DPF3: variants seen among roughly 807,000 people sequenced by gnomAD.
The protein encoded by DPF3 is zinc finger protein DPF3.
Under a neutral mutation model 56.8 loss-of-function variants are expected in DPF3, and 18 were observed. That is an observed-to-expected ratio of 0.32 (90% CI 0.22 to 0.47). The LOEUF (loss-of-function observed/expected upper bound fraction) is 0.47. Ranked by LOEUF, DPF3 falls within the 20% of genes least tolerant of loss-of-function variation. DPF3 has a pLI of 1.00. For synonymous variants in DPF3, 188 were observed against 180.2 expected (o/e 1.04, Z -0.35); for missense variants, 403 against 488.8 (o/e 0.82, Z 1.65).
At chr14:72,621,225 C>T (rs1040599728) in intron 9 of DPF3, among the ~76,000 whole-genome samples, 1 of 152,100 alleles carries the variant, frequency 6.6e-6, no homozygotes, top group African/African-American at 2.4e-5. Context: ...CCCTTTATCC[C>T]CTTTATGGAC....
chr14:72,773,523 A>G (rs568020628), intron 1 of DPF3, among the ~76,000 whole-genome samples: 135 of 152,312 alleles, frequency 8.9e-4, no homozygotes, highest in Admixed American at 1.2e-3. Flanking sequence ...GGCATTAAGC[A>G]CATGCATACT....
chr14:72,765,014 G>A (rs546109503), intron 2 of DPF3, among the ~76,000 whole-genome samples: 15 of 152,314 alleles, frequency 9.8e-5, no homozygotes, highest in African/African-American at 2.4e-4. Flanking sequence ...GTTGGTGTCC[G>A]CAGGGAATTG....
At chr14:72,820,185 A>C (rs964576332) in intron 1 of DPF3, among the ~76,000 whole-genome samples, 1 of 152,214 alleles carries the variant, frequency 6.6e-6, no homozygotes, top group African/African-American at 2.4e-5. Context: ...GAACTTTTTA[A>C]AAGTCAAGAT....
In DPF3 at chr14:72,624,223, A is replaced by C. The variant is rs144244680; in HGVS notation, c.985-4239T>G. ...ACTCACTGTGCCCTAATATTAACATATTATATTACTATAGCAGAATTACGA... is the reference window on the plus strand; with the variant it reads ...ACTCACTGTGCCCTAATATTAACATCTTATATTACTATAGCAGAATTACGA... On this transcript the variant is annotated intron_variant, in intron 9 of 10. Coordinates refer to ENST00000556509, the MANE Select transcript of DPF3 (RefSeq NM_001280542.3). 6.8e-3 allele frequency among the ~76,000 whole-genome samples: 1,036 copies of C among 152,176 alleles called. 13 individuals are homozygous for C. The highest frequency in any genetic ancestry group is 0.024 in the African/African-American group (985 of 41,530).
intron 7 of DPF3, among the ~76,000 whole-genome samples, chr14:72,679,611 C>T (rs1887069628): frequency 6.6e-6 from 1 of 152,244 alleles, no homozygotes; most frequent in Non-Finnish European, 1.5e-5. Flanking sequence ...CCCCCGCCAC[C>T]CTCCACAGGC....
At chr14:72,654,512 C>T (rs936375263) in intron 8 of DPF3, among the ~76,000 whole-genome samples, 2 of 152,150 alleles carry the variant, frequency 1.3e-5, no homozygotes, top group African/African-American at 2.4e-5. Flanking sequence ...AGGTGCCTTA[C>T]ACAGTGGAGA....
intron 8 of DPF3, among the ~76,000 whole-genome samples, chr14:72,646,712 T>A (rs996005245): frequency 1.3e-5 from 2 of 152,240 alleles, no homozygotes; most frequent in African/African-American, 4.8e-5. Context: ...TGCGGAATTT[T>A]TCCTTTGGAG....
chr14:72,710,631 G>T (rs1888611880), intron 6 of DPF3, among the ~76,000 whole-genome samples: 1 of 152,242 alleles, frequency 6.6e-6, no homozygotes, highest in Non-Finnish European at 1.5e-5. Flanking sequence ...CTGATGTGGA[G>T]CCCAGGAGTC....
At chr14:72,722,388 C>G (rs1024077709) in intron 5 of DPF3, among the ~76,000 whole-genome samples, 2 of 152,188 alleles carry the variant, frequency 1.3e-5, no homozygotes, top group Non-Finnish European at 2.9e-5. Context: ...GTGTGTGCCG[C>G]GCTGGCCGAT....
At chr14:72,794,108 G>C (rs569693496) in intron 1 of DPF3, among the ~76,000 whole-genome samples, 43 of 152,356 alleles carry the variant, frequency 2.8e-4, no homozygotes, top group Non-Finnish European at 4.7e-4. Flanking sequence ...CCAGCTCCTT[G>C]CTTACTTGCT....
intron 9 of DPF3, among the ~76,000 whole-genome samples, chr14:72,628,631 G>A (rs1292609877): frequency 6.6e-6 from 1 of 151,820 alleles, no homozygotes; most frequent in African/African-American, 2.4e-5. Context: ...AAGTAGTCTT[G>A]CCAAAAGAGA....
chr14:72,791,558 C>T (rs552952350), intron 1 of DPF3, among the ~76,000 whole-genome samples: 3 of 152,310 alleles, frequency 2.0e-5, no homozygotes, highest in South Asian at 2.1e-4. Context: ...CCCCTATGCT[C>T]GGAGCTTCCC....
intron 8 of DPF3, among the ~76,000 whole-genome samples, chr14:72,667,927 G>A (rs1886507692): frequency 6.6e-6 from 1 of 152,148 alleles, no homozygotes; most frequent in African/African-American, 2.4e-5. Context: ...CAATCAGGTT[G>A]CCAGGGATCA....
At chr14:72,789,546 G>A (rs117502248) in intron 1 of DPF3, among the ~76,000 whole-genome samples, 21 of 152,126 alleles carry the variant, frequency 1.4e-4, no homozygotes, top group Non-Finnish European at 2.2e-4. Flanking sequence ...ACATGGTCTC[G>A]CTCTGTCACT....
Position 72,609,778 on chromosome 14 carries a change from C to A in DPF3, c.*9519G>T, listed in dbSNP as rs1200234472. ...TGCTTTTTAGAGAAGCCAGGGTGGGCCAAATGGAGATATTGTCTCAAGACC... is the reference window on the plus strand; with the variant it reads ...TGCTTTTTAGAGAAGCCAGGGTGGGACAAATGGAGATATTGTCTCAAGACC... On this transcript the variant is annotated 3_prime_UTR_variant, in exon 11 of 11. Coordinates refer to ENST00000556509, the MANE Select transcript of DPF3 (RefSeq NM_001280542.3). Among the ~76,000 whole-genome samples, 2 of 152,110 alleles carry A rather than the reference C, an allele frequency of 1.3e-5. No individual in the cohort carries two copies. The highest frequency in any genetic ancestry group is 2.9e-5 in the Non-Finnish European group (2 of 68,022).
chr14:72,788,232 C>A (rs990843852), intron 1 of DPF3, among the ~76,000 whole-genome samples: 7 of 152,176 alleles, frequency 4.6e-5, no homozygotes, highest in African/African-American at 1.7e-4. Flanking sequence ...TCTCGACCAC[C>A]AATCCTACTG....
At chr14:72,861,026 TACACACACAC>T (rs10570653) in intron 1 of DPF3, among the ~76,000 whole-genome samples, 6,033 of 147,928 alleles carry the variant, frequency 0.041, 323 homozygotes, top group African/African-American at 0.12. Flanking sequence ...GTTCTCACTA[TACACACACAC>T]ACACACACAC....
intron 8 of DPF3, chr14:72,670,431 C>G: frequency 2.0e-6 from 2 of 985,918 alleles, no homozygotes; most frequent in Non-Finnish European, 2.4e-6. Context: ...ATAGGCACCC[C>G]GACTTCTCTG....
chr14:72,779,190 T>C (rs1208740955), intron 1 of DPF3, among the ~76,000 whole-genome samples: 1 of 152,168 alleles, frequency 6.6e-6, no homozygotes, highest in Non-Finnish European at 1.5e-5. Context: ...GGAAGGCTAA[T>C]GTGGCATGCT....
Sources: allele counts gnomAD v4.1 joint callset (sites outside exome capture counted in the v4.1 genomes callset), GRCh38; gene constraint gnomAD v4.1.1; transcripts MANE v1.5; gene names NCBI Gene and HGNC (gene_info 2026-07-23, HGNC 2026-07-21).